The following AKAP13 variants were observed in gnomAD, a reference collection of about 807,000 sequenced individuals.
AKAP13 encodes the protein A-kinase anchor protein 13.
A neutral mutation model predicts 264.5 loss-of-function variants in AKAP13; 80 were observed. The ratio of observed to expected loss-of-function variants is 0.30; its 90% CI spans 0.25 to 0.36. The LOEUF is 0.36. Ranked by LOEUF, AKAP13 falls within the 10% of genes least tolerant of loss-of-function variation. AKAP13 has a pLI of 1.00. For missense variants in AKAP13, 3,712 were observed against 3,435.2 expected (o/e 1.08, Z -2.01); for synonymous variants, 1,380 against 1,250.2 (o/e 1.10, Z -2.19).
At chr15:85,465,594 A>G (rs1596267950) in intron 1 of AKAP13, among the ~76,000 whole-genome samples, 1 of 148,078 alleles carries the variant, frequency 6.8e-6, no homozygotes, top group African/African-American at 2.5e-5. Context: ...GAGTGAGAAC[A>G]TGCGGTGTTT....
At chr15:85,417,782 T>G (rs1299379039) in intron 1 of AKAP13, among the ~76,000 whole-genome samples, 3 of 152,154 alleles carry the variant, frequency 2.0e-5, no homozygotes, top group Non-Finnish European at 4.4e-5. Flanking sequence ...GAAATGCAGC[T>G]TATGTATTAA....
chr15:85,426,793 T>A (rs2072798458), intron 1 of AKAP13, among the ~76,000 whole-genome samples: 2 of 152,186 alleles, frequency 1.3e-5, no homozygotes, highest in Non-Finnish European at 2.9e-5. Flanking sequence ...CAGTGCAATG[T>A]ATTTTCTGAT....
chr15:85,526,674 T>C (rs779162053), intron 3 of AKAP13, among the ~76,000 whole-genome samples: 4 of 152,210 alleles, frequency 2.6e-5, no homozygotes, highest in Non-Finnish European at 5.9e-5. Flanking sequence ...TTTAATTTAA[T>C]GGGCTTCATT....
In AKAP13 at chr15:85,718,948, T is replaced by C; in HGVS notation, c.6002-128T>C. On this transcript the variant is annotated intron_variant, in intron 22 of 36. Coordinates refer to ENST00000394518, the MANE Select transcript of AKAP13 (RefSeq NM_007200.5). This position sits in a 1 kb window ranked among gnomAD's most constrained non-coding sequence, Gnocchi z 4.9. Reference sequence around the variant, plus strand: ...AACGAGAACACTTTTAGGGGAAAGATAGCTGTTGACCCAATTTTAAGGTTC... The same window carrying C: ...AACGAGAACACTTTTAGGGGAAAGACAGCTGTTGACCCAATTTTAAGGTTC... 2 of 1,289,418 alleles carry C rather than the reference T, an allele frequency of 1.6e-6. No homozygotes were observed. The highest frequency in any genetic ancestry group is 4.6e-5 in the Admixed American group (2 of 43,272). The allele number at this position is 1,289,418 out of a possible 1,614,324, so 79.9% of individuals were successfully genotyped here.
At chr15:85,470,388 A>C (rs2074918077) in intron 1 of AKAP13, among the ~76,000 whole-genome samples, 1 of 152,232 alleles carries the variant, frequency 6.6e-6, no homozygotes, top group African/African-American at 2.4e-5. Context: ...TTAAAACGCC[A>C]GTTTATAAGA....
chr15:85,579,291 G>C lies in AKAP13; in HGVS notation c.1223G>C (p.Gly408Ala). 2 of 1,614,228 alleles carry C rather than the reference G, an allele frequency of 1.2e-6. No homozygotes were observed. Among genetic ancestry groups the C allele is most frequent in the Non-Finnish European group, 1.7e-6 (2 of 1,180,038 alleles). ...DSCLQSLPDC[G>A]VKGTEGLSSC... ...TGCCTTCAGAGCTTGCCTGATTGTG[G>C]AGTAAAGGGCACGGAAGGCCTTTCG... Residue 408 changes from glycine to alanine, a missense_variant, in exon 7 of 37, where the codon GGA (glycine) becomes GCA (alanine). Around this residue, in one of 3 missense-constraint regions of AKAP13, gnomAD observed 2,759 missense variants for 2,411.7 expected, o/e 1.14. Transcript: ENST00000394518.
chr15:85,392,251 ATT>A (rs57208601), intron 1 of AKAP13, among the ~76,000 whole-genome samples: 8 of 106,340 alleles, frequency 7.5e-5, no homozygotes, highest in African/African-American at 1.1e-4. Context: ...GCCCTTAATA[ATT>A]TTTTTTTTTT....
intron 10 of AKAP13, among the ~76,000 whole-genome samples, chr15:85,652,701 G>A (rs2082912140): frequency 6.6e-6 from 1 of 152,144 alleles, no homozygotes; most frequent in Non-Finnish European, 1.5e-5. Flanking sequence ...TGTCAGTGGG[G>A]CTGCTTTCCT....
chr15:85,448,339 G>A (rs72754508), intron 1 of AKAP13, among the ~76,000 whole-genome samples: 1,593 of 152,144 alleles, frequency 0.01, 14 homozygotes, highest in Middle Eastern at 0.017. Context: ...TTGACAGTTT[G>A]TTTTGCTGTG....
rs954660479 is a variant in AKAP13, at chr15:85,380,759, G to A, written c.-51G>A. On this transcript the variant is annotated 5_prime_UTR_variant, in exon 1 of 37. Transcript: ENST00000394518. The stretch of plus-strand genomic sequence containing the variant: ...TTCTCCGCGGCGAAGGTGAAGAGTT[G>A]TCCCAGCTCGGCCCGCGGGGGAGCC... 6.6e-6 allele frequency: 1 copy of A among 152,644 alleles called. No homozygotes were observed. Among genetic ancestry groups the A allele is most frequent in the African/African-American group, 2.4e-5 (1 of 41,462 alleles). The allele number at this position is 152,644 out of a possible 1,614,324, so 9.5% of individuals were successfully genotyped here.
chr15:85,407,860 G>C (rs2150860300), intron 1 of AKAP13, among the ~76,000 whole-genome samples: 1 of 151,804 alleles, frequency 6.6e-6, no homozygotes, highest in East Asian at 1.9e-4. Flanking sequence ...TTGGCAGAGG[G>C]AGAAGGGAGC....
chr15:85,548,115 G>T (rs2077820174), intron 5 of AKAP13, among the ~76,000 whole-genome samples: 1 of 152,122 alleles, frequency 6.6e-6, no homozygotes, highest in Non-Finnish European at 1.5e-5. Flanking sequence ...TAGAAATCTT[G>T]GGACTTGGAT....
rs2083204255 is a variant in AKAP13 at position 85,658,599 on chromosome 15, T to G, written c.4799+9T>G. ...CCCATTCATAGGAGAAGGTACAGAG[T>G]TCATTAACTTGATGGACTAACCATG... is the stretch of plus-strand genomic sequence containing the variant. On this transcript the variant is annotated intron_variant, in intron 12 of 36. Transcript: ENST00000394518. 1 of 1,611,816 alleles carries G rather than the reference T, an allele frequency of 6.2e-7. No homozygotes were observed. Among genetic ancestry groups the G allele is most frequent in the Admixed American group, 1.7e-5 (1 of 59,968 alleles).
At chr15:85,451,952 A>G (rs775384776) in intron 1 of AKAP13, among the ~76,000 whole-genome samples, 2 of 151,986 alleles carry the variant, frequency 1.3e-5, no homozygotes, top group Non-Finnish European at 2.9e-5. Flanking sequence ...TGATACCCTG[A>G]AACATATTTT....
intron 1 of AKAP13, among the ~76,000 whole-genome samples, chr15:85,433,838 G>T (rs1648343565): frequency 6.6e-6 from 1 of 152,120 alleles, no homozygotes; most frequent in Non-Finnish European, 1.5e-5. Context: ...CTACTCGGGA[G>T]GCTGAGGCAG....
intron 1 of AKAP13, among the ~76,000 whole-genome samples, chr15:85,428,517 G>A (rs954593894): frequency 2.6e-5 from 4 of 152,216 alleles, no homozygotes; most frequent in African/African-American, 7.2e-5. Context: ...ATTTAAAGCT[G>A]TGAAGGCTGG....
At chr15:85,733,033 A>G (rs1435246216) in intron 30 of AKAP13, among the ~76,000 whole-genome samples, 2 of 152,176 alleles carry the variant, frequency 1.3e-5, no homozygotes, top group Admixed American at 1.3e-4. Flanking sequence ...AGCCTTGACC[A>G]TAGTCTTTGT....
chr15:85,712,035 C>T (rs909959629), intron 19 of AKAP13, among the ~76,000 whole-genome samples: 2 of 152,130 alleles, frequency 1.3e-5, no homozygotes. Context: ...GGTCTCACTA[C>T]GTTGCCCAGG....
At chr15:85,475,280 T>C (rs965041793) in intron 1 of AKAP13, among the ~76,000 whole-genome samples, 3 of 152,220 alleles carry the variant, frequency 2.0e-5, no homozygotes, top group African/African-American at 7.2e-5. Context: ...CAGCACTCAC[T>C]GAATTATGGC....
Sources: allele counts gnomAD v4.1 joint callset (sites outside exome capture counted in the v4.1 genomes callset), GRCh38; gene constraint gnomAD v4.1.1; regional missense constraint gnomAD v4.1.1; non-coding constraint Gnocchi (gnomAD v3.1); transcripts MANE v1.5; gene names NCBI Gene and HGNC (gene_info 2026-07-23, HGNC 2026-07-21).